LRRC28: variants seen among roughly 807,000 people sequenced by gnomAD.
LRRC28 encodes leucine-rich repeat-containing protein 28.
LRRC28 carries 39 observed loss-of-function variants against 45.7 expected under a neutral mutation model. The observed-to-expected ratio is 0.85, with a 90% CI of 0.66 to 1.12. The LOEUF is 1.12. Ranked by LOEUF, LRRC28 falls within the 50% of genes most tolerant of loss-of-function variation. The pLI is 0.00. For missense variants in LRRC28, 435 were observed against 438.5 expected, an observed-to-expected ratio of 0.99 and a Z score of 0.07; for synonymous variants, 206 against 178.8, an observed-to-expected ratio of 1.15 and a Z score of -1.22.
chr15:99,339,753 G>A (rs1956444978), intron 6 of LRRC28, among the ~76,000 whole-genome samples: 1 of 151,346 alleles, frequency 6.6e-6, no homozygotes, highest in Non-Finnish European at 1.5e-5. Flanking sequence ...AATCAGGAAC[G>A]TTTAGCACAG....
rs62025384 is a variant in LRRC28, at chr15:99,386,362, A to T, written c.*260A>T. On this transcript the variant is annotated 3_prime_UTR_variant, in exon 10 of 10. Coordinates refer to ENST00000301981, the MANE Select transcript of LRRC28 (RefSeq NM_144598.5). Reference sequence around the variant, plus strand: ...TCTTTTACAGAAACCATTTAGATTGATGGGCCTCCCCAAATCTAATTTAAA... The same window carrying T: ...TCTTTTACAGAAACCATTTAGATTGTTGGGCCTCCCCAAATCTAATTTAAA... 0.016 allele frequency: 6,247 copies of T among 380,424 alleles called. 93 individuals are homozygous for T. Among genetic ancestry groups the T allele is most frequent in the Non-Finnish European group, 0.023 (4,839 of 211,960 alleles). 23.6% of individuals were successfully genotyped at this position (380,424 alleles called of 1,614,324 possible).
chr15:99,278,010 G>T (rs777442654), intron 3 of LRRC28, among the ~76,000 whole-genome samples: 8 of 152,036 alleles, frequency 5.3e-5, no homozygotes, highest in Non-Finnish European at 8.8e-5. Flanking sequence ...ATTTTTGCGT[G>T]TTAACTTTAT....
chr15:99,332,279 C>G (rs1031966390), intron 5 of LRRC28, among the ~76,000 whole-genome samples: 3 of 152,034 alleles, frequency 2.0e-5, no homozygotes, highest in Non-Finnish European at 4.4e-5. Flanking sequence ...CAGTTAAGTT[C>G]AAGTAGAAAA....
chr15:99,253,284 C>A (rs2080918285), intron 1 of LRRC28, among the ~76,000 whole-genome samples: 1 of 152,116 alleles, frequency 6.6e-6, no homozygotes, highest in African/African-American at 2.4e-5. Flanking sequence ...CCAAACCCAG[C>A]TAATTTTTGT....
intron 5 of LRRC28, among the ~76,000 whole-genome samples, chr15:99,299,571 T>G (rs749851523): frequency 6.6e-6 from 1 of 152,246 alleles, no homozygotes; most frequent in Non-Finnish European, 1.5e-5. Context: ...TGTTTCAACT[T>G]GTTAAAGGTT....
chr15:99,278,303 C>T (rs1184743222), intron 3 of LRRC28, among the ~76,000 whole-genome samples: 2 of 152,226 alleles, frequency 1.3e-5, no homozygotes, highest in Non-Finnish European at 2.9e-5. Flanking sequence ...GGCTGGAGTG[C>T]AGTGGCACAA....
At chr15:99,381,474 C>T (rs1259707936) in intron 9 of LRRC28, among the ~76,000 whole-genome samples, 1 of 152,158 alleles carries the variant, frequency 6.6e-6, no homozygotes, top group Non-Finnish European at 1.5e-5. Flanking sequence ...GCGATGGGTT[C>T]GAACTTCCTC....
At chr15:99,359,732 T>G (rs1213337698) in intron 7 of LRRC28, among the ~76,000 whole-genome samples, 1 of 152,190 alleles carries the variant, frequency 6.6e-6, no homozygotes, top group African/African-American at 2.4e-5. Context: ...ATAAACATAA[T>G]GAATAAATTA....
chr15:99,340,962 A>T (rs1244764164), intron 6 of LRRC28, among the ~76,000 whole-genome samples: 1 of 152,134 alleles, frequency 6.6e-6, no homozygotes, highest in Non-Finnish European at 1.5e-5. Context: ...CTGGAATGCA[A>T]ATTTTGTCAA....
chr15:99,304,249 A>G (rs929181364), intron 5 of LRRC28, among the ~76,000 whole-genome samples: 1 of 152,238 alleles, frequency 6.6e-6, no homozygotes, highest in African/African-American at 2.4e-5. Context: ...CTTTACAGCA[A>G]GGTTGTCAAC....
At chr15:99,303,704 C>T (rs2152248921) in intron 5 of LRRC28, among the ~76,000 whole-genome samples, 1 of 152,062 alleles carries the variant, frequency 6.6e-6, no homozygotes, top group African/African-American at 2.4e-5. Context: ...CGTGGTGGTG[C>T]ATGCCTGTAA....
intron 3 of LRRC28, among the ~76,000 whole-genome samples, chr15:99,283,167 A>T (rs907598335): frequency 2.0e-5 from 3 of 151,730 alleles, no homozygotes; most frequent in African/African-American, 7.2e-5. Context: ...TGCTGGGATT[A>T]CAGGCGTGAG....
chr15:99,371,701 C>G (rs551924958), intron 9 of LRRC28, among the ~76,000 whole-genome samples: 1 of 152,122 alleles, frequency 6.6e-6, no homozygotes, highest in Non-Finnish European at 1.5e-5. Flanking sequence ...TTCGTTGGCA[C>G]CCTCTTAAGG....
chr15:99,356,946 C>A (rs73464664), intron 7 of LRRC28, among the ~76,000 whole-genome samples: 2,683 of 152,254 alleles, frequency 0.018, 76 homozygotes, highest in African/African-American at 0.061. Context: ...ATTCTCAGAA[C>A]AAAACTTAGC....
intron 9 of LRRC28, 105 bp downstream of exon 9, chr15:99,363,370 G>A (rs2152327648): frequency 1.7e-6 from 2 of 1,159,270 alleles, no homozygotes; most frequent in Non-Finnish European, 2.4e-6. Flanking sequence ...GTTTTAAAGG[G>A]GCATAACATG....
intron 7 of LRRC28, among the ~76,000 whole-genome samples, chr15:99,358,628 G>A (rs1474680788): frequency 6.6e-6 from 1 of 152,122 alleles, no homozygotes; most frequent in Non-Finnish European, 1.5e-5. Flanking sequence ...CAATGCCAGT[G>A]TATTTGGGAA....
intron 2 of LRRC28, among the ~76,000 whole-genome samples, chr15:99,275,938 G>A (rs1164853638): frequency 2.0e-5 from 3 of 152,142 alleles, no homozygotes; most frequent in African/African-American, 7.2e-5. Context: ...AGCAAGCGAA[G>A]CTTCATCTGT....
chr15:99,342,306 C>G (rs1157157453), intron 6 of LRRC28, among the ~76,000 whole-genome samples: 1 of 152,162 alleles, frequency 6.6e-6, no homozygotes, highest in African/African-American at 2.4e-5. Context: ...AGTACCACTC[C>G]CTGGCCTGCA....
At chr15:99,258,753 A>C in intron 2 of LRRC28, 1 of 698,144 alleles carries the variant, frequency 1.4e-6, no homozygotes. Context: ...GCTGAAGGAG[A>C]AGTTACCTTC....
Sources: gnomAD v4.1 joint callset for allele counts (sites outside exome capture counted in the v4.1 genomes callset) on GRCh38, gnomAD v4.1.1 for gene constraint, MANE v1.5 for transcripts, NCBI Gene and HGNC (gene_info 2026-07-23, HGNC 2026-07-21) for gene names.